The following DCLRE1A variants were observed in gnomAD, a reference collection of about 807,000 sequenced individuals.
DCLRE1A encodes the protein DNA cross-link repair 1A protein.
Under a neutral mutation model 91.9 loss-of-function variants are expected in DCLRE1A, and 64 were observed. That is an observed-to-expected ratio of 0.70 (90% confidence interval 0.57 to 0.86). The LOEUF is 0.86. Among genes scored for constraint, DCLRE1A ranks in the 40% least tolerant of loss-of-function variants. The pLI is 0.00. For missense variants in DCLRE1A, 1,145 were observed against 1,213.3 expected, an observed-to-expected ratio of 0.94 and a Z score of 0.84; for synonymous variants, 416 against 431.1, an observed-to-expected ratio of 0.96 and a Z score of 0.43.
chr10:113,846,650 C>CA (rs767099489), intron 3 of DCLRE1A, among the ~76,000 whole-genome samples: 108 of 152,190 alleles, frequency 7.1e-4, no homozygotes, highest in Non-Finnish European at 1.5e-3. Context: ...CTGAGGACAC[C>CA]AAAATCTCAG....
rs1163042107 is a variant in DCLRE1A at position 113,849,609 on chromosome 10, T to C, written c.1496A>G (p.Asn499Ser). The C allele has an allele frequency of 9.3e-6, 15 of 1,613,988 alleles. No individual in the cohort carries two copies. Among genetic ancestry groups the C allele is most frequent in the Non-Finnish European group, 1.3e-5 (15 of 1,180,040 alleles). ...TCTGCAGAAACATGCTGAGTTAGTA[T>C]TATTCTTAGCATTCAAGTTCTCACT... Reference protein sequence around the residue: ...LSSENLNAKNNTNSACFCRKA... With the variant: ...LSSENLNAKNSTNSACFCRKA... The change falls in exon 2 of 9, where the codon AAT becomes AGT. Residue 499 changes from asparagine to serine, a missense_variant. Physicochemically the swap from Asn to Ser is conservative, Grantham distance 46 (BLOSUM62 1). Transcript: ENST00000361384.
intron 7 of DCLRE1A, among the ~76,000 whole-genome samples, chr10:113,839,325 A>C (rs1358747046): frequency 2.8e-4 from 5 of 17,954 alleles, no homozygotes; most frequent in African/African-American, 5.5e-4. Flanking sequence ...ACCCTGTCTC[A>C]AAAAAAAAAA....
At position 113,849,406 on chromosome 10, in the gene DCLRE1A, G is replaced by A; in HGVS notation, c.1699C>T (p.Pro567Ser). 1.2e-6 allele frequency: 2 copies of A among 1,613,830 alleles called. No individual in the cohort carries two copies. Among genetic ancestry groups the A allele is most frequent in the Non-Finnish European group, 1.7e-6 (2 of 1,179,900 alleles). The change falls in exon 2 of 9, where the codon CCC becomes TCC. Residue 567 changes from proline to serine, a missense_variant. Transcript: ENST00000361384. ...MDIGVYFGLP[P>S]KRKEEKLLGE... ...AGCAATTTCTCTTCCTTTCTTTTGG[G>A]AGGTAGTCCAAAATACACACCTATA... is the stretch of plus-strand genomic sequence containing the variant.
chr10:113,849,226 A>G lies in DCLRE1A; in HGVS notation c.1879T>C (p.Ser627Pro), dbSNP rs1168110780. ...LHESQLSVEL[S>P]SERSQRQKKR... ...TTTTGACGCTGTGACCTCTCACTAG[A>G]AAGTTCCACAGAAAGCTGACTCTCA... is the stretch of plus-strand genomic sequence containing the variant. Residue 627 changes from serine to proline, a missense_variant, in exon 2 of 9, where the codon TCT becomes CCT. Coordinates refer to ENST00000361384, the MANE Select transcript of DCLRE1A (RefSeq NM_014881.5). 1.9e-6 allele frequency: 3 copies of G among 1,614,002 alleles called. No individual in the cohort carries two copies. The highest frequency in any genetic ancestry group is 1.7e-6 in the Non-Finnish European group (2 of 1,180,010).
Position 113,853,010 on chromosome 10 carries a change from T to TCG in DCLRE1A, c.172_173insCG (p.Lys58ThrfsTer4), listed in dbSNP as rs1845684528. The TCG allele has an allele frequency of 6.2e-7, 1 of 1,613,978 alleles. No individual in the cohort carries two copies. Among genetic ancestry groups the TCG allele is most frequent in the Non-Finnish European group, 8.5e-7 (1 of 1,180,028 alleles). On this transcript the variant is annotated frameshift_variant, in exon 1 of 9. Coordinates refer to ENST00000361384, the MANE Select transcript of DCLRE1A (RefSeq NM_014881.5). LOFTEE classifies it high-confidence loss of function. Reference sequence around the variant, plus strand: ...GGGCACTTCATGGTCCTTCACCTCTTTAGCTTCTGCGGCTCTTTTTCTGTT... The same window carrying TCG: ...GGGCACTTCATGGTCCTTCACCTCTTCGTAGCTTCTGCGGCTCTTTTTCTGTT...
At position 113,849,190 on chromosome 10, in the gene DCLRE1A, T is replaced by C; in HGVS notation, c.1915A>G (p.Arg639Gly). ...CCTTCCTGCAGTGAATTTGACTTTC[T>C]ACATCTCTTTTTTTGACGCTGTGAC... Reference protein sequence around the residue: ...ERSQRQKKRCRKSNSLQEGAC... With the variant: ...ERSQRQKKRCGKSNSLQEGAC... Residue 639 changes from arginine (R) to glycine (G), a missense_variant, in exon 2 of 9, where the codon AGA becomes GGA. Coordinates refer to ENST00000361384, the MANE Select transcript of DCLRE1A (RefSeq NM_014881.5). 6.2e-7 allele frequency: 1 copy of C among 1,614,030 alleles called. No homozygotes were observed. The highest frequency in any genetic ancestry group is 8.5e-7 in the Non-Finnish European group (1 of 1,179,938).
chr10:113,851,094 G>C (rs1845642111), intron 1 of DCLRE1A, among the ~76,000 whole-genome samples: 1 of 152,140 alleles, frequency 6.6e-6, no homozygotes, highest in South Asian at 2.1e-4. Context: ...TTTAATTCAA[G>C]AGCCATCTGA....
intron 1 of DCLRE1A, among the ~76,000 whole-genome samples, chr10:113,850,995 T>C (rs1845640898): frequency 6.6e-6 from 1 of 152,150 alleles, no homozygotes; most frequent in African/African-American, 2.4e-5. Flanking sequence ...TCAAAAAAGA[T>C]GTTATATTTG....
In DCLRE1A at chr10:113,835,147, T is replaced by G; in HGVS notation, c.*5A>C. The G allele has an allele frequency of 6.2e-7, 1 of 1,612,154 alleles. No homozygotes were observed. Among genetic ancestry groups the G allele is most frequent in the Non-Finnish European group, 8.5e-7 (1 of 1,179,388 alleles). ...TTAACTACTACTGAATCCTCGGAGG[T>G]ATCATCAATATCCAGCTTCCAATTT... On this transcript the variant is annotated 3_prime_UTR_variant, in exon 9 of 9. Transcript: ENST00000361384.
rs1400461133 is a variant in DCLRE1A at position 113,850,273 on chromosome 10, C to T, written c.832G>A (p.Ala278Thr). Residue 278 changes from alanine (A) to threonine (T), a missense_variant, in exon 2 of 9, where the codon GCA (alanine) becomes ACA (threonine). By Grantham distance (58) the Ala-to-Thr change is moderately conservative (BLOSUM62 0). Coordinates refer to ENST00000361384, the MANE Select transcript of DCLRE1A (RefSeq NM_014881.5). ...AAATTTATGTGTTCTGAGTTGTTTG[C>T]AAGACGCAAAGCAACTCCCACTAGT... ...DKLVGVALRL[A>T]NNSEHINLPL... 1 of 1,614,100 alleles carries T rather than the reference C, an allele frequency of 6.2e-7. No homozygotes were observed. The highest frequency in any genetic ancestry group is 8.5e-7 in the Non-Finnish European group (1 of 1,180,024).
At chr10:113,845,662 A>G (rs768000039) in intron 4 of DCLRE1A, 23 bp downstream of exon 4, 1 of 1,575,510 alleles carries the variant, frequency 6.3e-7, no homozygotes, top group African/African-American at 1.3e-5. Flanking sequence ...AAAATGTGCT[A>G]TTAAGATGAC....
At chr10:113,843,714 A>G (rs17235171) in intron 5 of DCLRE1A, among the ~76,000 whole-genome samples, 2,064 of 152,376 alleles carry the variant, frequency 0.014, 38 homozygotes, top group African/African-American at 0.046. Context: ...GAAAAGAACA[A>G]CAGCAAGTTT....
intron 5 of DCLRE1A, among the ~76,000 whole-genome samples, chr10:113,843,144 C>T (rs977588706): frequency 2.6e-5 from 4 of 151,860 alleles, no homozygotes; most frequent in Non-Finnish European, 5.9e-5. Context: ...AAGCTACTAT[C>T]TATCTATCTA....
chr10:113,844,575 A>G (rs1417486592), intron 4 of DCLRE1A, among the ~76,000 whole-genome samples: 1 of 152,174 alleles, frequency 6.6e-6, no homozygotes, highest in Admixed American at 6.5e-5. Flanking sequence ...GAGACATTGA[A>G]CTATGTGATA....
intron 7 of DCLRE1A, among the ~76,000 whole-genome samples, chr10:113,838,315 T>C (rs1845393215): frequency 6.6e-6 from 1 of 152,210 alleles, no homozygotes; most frequent in Admixed American, 6.5e-5. Flanking sequence ...AACTGAGGTT[T>C]AGAGTAACTA....
At chr10:113,848,574 TG>T (rs1845580658) in intron 2 of DCLRE1A, among the ~76,000 whole-genome samples, 1 of 152,204 alleles carries the variant, frequency 6.6e-6, no homozygotes, top group Non-Finnish European at 1.5e-5. Context: ...GTAAAACCTG[TG>T]ACATTTCCCA....
In DCLRE1A at chr10:113,850,395, T is replaced by G; in HGVS notation, c.710A>C (p.Lys237Thr). 6.2e-7 allele frequency: 1 copy of G among 1,614,226 alleles called. No individual in the cohort carries two copies. The highest frequency in any genetic ancestry group is 8.5e-7 in the Non-Finnish European group (1 of 1,180,030). ...DPLLMTQYFK[K>T]SPSLTEASEK... ...ACTGGCTTCAGTCAGAGACGGAGAC[T>G]TTTTAAAATACTGTGTCATCAATAA... The change falls in exon 2 of 9, where the codon AAG (lysine) becomes ACG (threonine). Residue 237 changes from lysine to threonine, a missense_variant. Coordinates refer to ENST00000361384, the MANE Select transcript of DCLRE1A (RefSeq NM_014881.5).
rs374634965 is a variant in DCLRE1A at position 113,846,159 on chromosome 10, T to C, written c.2260-356A>G. Among the ~76,000 whole-genome samples, 10 of 152,286 alleles carry C rather than the reference T, an allele frequency of 6.6e-5. No homozygotes were observed. In the South Asian group the frequency reaches 1.5e-3, roughly 22 times the overall value. On this transcript the variant is annotated intron_variant, in intron 3 of 8. Transcript: ENST00000361384. ...GGAATGGGCATATTTCTCAGGTGCC[T>C]GTGCCTTTACATAAACTTTACTCTC...
At position 113,837,053 on chromosome 10, in the gene DCLRE1A, T is replaced by C. The variant is rs1211088956; in HGVS notation, c.2962+9A>G. 1.9e-6 allele frequency: 3 copies of C among 1,576,842 alleles called. No individual in the cohort carries two copies. Among genetic ancestry groups the C allele is most frequent in the South Asian group, 2.4e-5 (2 of 83,992 alleles). ...AAACACTAAAAGTGAGAAAATTTAA[T>C]AACTATACCATATATTGAAATGTTT... On this transcript the variant is annotated intron_variant, in intron 8 of 8. Transcript: ENST00000361384.
Sources: gnomAD v4.1 joint callset for allele counts (sites outside exome capture counted in the v4.1 genomes callset) on GRCh38, gnomAD v4.1.1 for gene constraint, MANE v1.5 for transcripts, NCBI Gene and HGNC (gene_info 2026-07-23, HGNC 2026-07-21) for gene names.